Variants in DNAJC13 observed in about 807,000 individuals in gnomAD.
The protein encoded by DNAJC13 is DnaJ heat shock protein family (Hsp40) member C13.
A neutral mutation model predicts 290.5 loss-of-function variants in DNAJC13; 75 were observed. The observed-to-expected ratio is 0.26, with a 90% CI of 0.21 to 0.31. DNAJC13 has a LOEUF of 0.31. Among genes scored for constraint, DNAJC13 ranks in the 10% least tolerant of loss-of-function variants. The pLI, the probability that DNAJC13 is intolerant of heterozygous loss-of-function variation, is 1.00. For missense variants in DNAJC13, 2,260 were observed against 2,674.5 expected (o/e 0.85, Z 3.42); for synonymous variants, 862 against 892.0 (o/e 0.97, Z 0.60).
At chr3:132,492,671 C>T (rs1388353781) in intron 33 of DNAJC13, 56 bp downstream of exon 33, 4 of 1,498,310 alleles carry the variant, frequency 2.7e-6, no homozygotes, top group Non-Finnish European at 3.7e-6. Flanking sequence ...CCTCTAAACA[C>T]TTCTGGGTAT....
chr3:132,501,819 G>A (rs1220213201), intron 39 of DNAJC13, among the ~76,000 whole-genome samples: 2 of 152,134 alleles, frequency 1.3e-5, no homozygotes, highest in African/African-American at 2.4e-5. Context: ...TAGTACTAAA[G>A]TATCAAGAAG....
intron 43 of DNAJC13, among the ~76,000 whole-genome samples, chr3:132,507,618 T>C (rs1426294738): frequency 1.3e-5 from 2 of 152,226 alleles, no homozygotes; most frequent in Admixed American, 1.3e-4. Context: ...TTTTTCATTA[T>C]CACATTATGG....
chr3:132,491,689 G>C (rs1289806788), intron 32 of DNAJC13, among the ~76,000 whole-genome samples: 2 of 152,018 alleles, frequency 1.3e-5, no homozygotes, highest in African/African-American at 2.4e-5. Context: ...CAGTGTCAAG[G>C]CTATCTCTTT....
At chr3:132,506,803 G>A (rs1448914363) in intron 42 of DNAJC13, among the ~76,000 whole-genome samples, 1 of 151,838 alleles carries the variant, frequency 6.6e-6, no homozygotes. Flanking sequence ...ACCCGCCTCG[G>A]CCTCCCTAAG....
intron 28 of DNAJC13, 94 bp from the exon 29 acceptor site, chr3:132,484,494 G>C (rs1934786215): frequency 8.7e-7 from 1 of 1,148,564 alleles, no homozygotes; most frequent in Non-Finnish European, 1.3e-6. Flanking sequence ...AAAAAGTAAG[G>C]TAACCTGCTT....
rs115411620 is a variant in DNAJC13 at position 132,501,456 on chromosome 3, T to G, written c.4536+543T>G. Among the ~76,000 whole-genome samples the G allele has an allele frequency of 4.3e-3, 648 of 152,186 alleles. 3 individuals carry two copies. The highest frequency in any genetic ancestry group is 0.015 in the African/African-American group (610 of 41,516). ...GAAAATTCAACCATAAGGAAAAGTT[T>G]AGCTGGCATGCTGACACCCTATGTT... On this transcript the variant is annotated intron_variant, in intron 39 of 55. Transcript: ENST00000260818.
In DNAJC13 at chr3:132,457,310, A is replaced by G. The variant is rs1447863009; in HGVS notation, c.1391A>G (p.Lys464Arg). 1.2e-6 allele frequency: 2 copies of G among 1,613,510 alleles called. No individual in the cohort carries two copies. Among genetic ancestry groups the G allele is most frequent in the Non-Finnish European group, 1.7e-6 (2 of 1,179,722 alleles). The part of the protein sequence containing the change: ...RLGVKVVKAL[K>R]RSNNGIIHAA... ...GGGGTGAAGGTAGTAAAAGCACTCAAAAGAAGCAACAACGGAATAATCCAT... is the reference window on the plus strand; with the variant it reads ...GGGGTGAAGGTAGTAAAAGCACTCAGAAGAAGCAACAACGGAATAATCCAT... Residue 464 changes from lysine (K) to arginine (R), a missense_variant, in exon 13 of 56, where the codon AAA (lysine) becomes AGA (arginine). By Grantham distance (26) the Lys-to-Arg change is conservative (BLOSUM62 2). Coordinates refer to ENST00000260818, the MANE Select transcript of DNAJC13 (RefSeq NM_015268.4).
chr3:132,429,453 T>A (rs1939187209), intron 1 of DNAJC13, among the ~76,000 whole-genome samples: 1 of 152,186 alleles, frequency 6.6e-6, no homozygotes. Flanking sequence ...TTCTTGTCAA[T>A]AAAATGAGAG....
intron 55 of DNAJC13, among the ~76,000 whole-genome samples, chr3:132,534,132 A>C (rs1385896345): frequency 1.3e-5 from 2 of 152,128 alleles, no homozygotes; most frequent in Non-Finnish European, 2.9e-5. Context: ...GTCTGGCCAA[A>C]TGGGGAGATG....
At chr3:132,448,835 C>T (rs939855019) in intron 5 of DNAJC13, among the ~76,000 whole-genome samples, 2 of 152,130 alleles carry the variant, frequency 1.3e-5, no homozygotes, top group African/African-American at 4.8e-5. Context: ...TTAATGGCAA[C>T]TGGCGAGCTG....
chr3:132,499,870 T>TAG lies in DNAJC13; in HGVS notation c.4416+63_4416+64insGA, dbSNP rs2107717294. 11 of 1,446,852 alleles carry TAG rather than the reference T, an allele frequency of 7.6e-6. No individual in the cohort carries two copies. In the South Asian group the frequency reaches 1.3e-4, roughly 17 times the overall value. 89.6% of individuals were successfully genotyped at this position (1,446,852 alleles called of 1,614,324 possible). On this transcript the variant is annotated intron_variant, in intron 38 of 55. Transcript: ENST00000260818. The stretch of plus-strand genomic sequence containing the variant: ...TAGTTCAATGGTTCAGACTTTAACA[T>TAG]ATCTGAGAATCAACTGGAGGGCTCA...
intron 46 of DNAJC13, among the ~76,000 whole-genome samples, chr3:132,515,787 G>A (rs909673547): frequency 2.6e-5 from 4 of 152,148 alleles, no homozygotes; most frequent in African/African-American, 9.7e-5. Context: ...AAGGTACATT[G>A]TTACTGTTCT....
chr3:132,455,942 T>C (rs1238637620), intron 9 of DNAJC13, among the ~76,000 whole-genome samples: 2 of 152,214 alleles, frequency 1.3e-5, no homozygotes, highest in Non-Finnish European at 2.9e-5. Context: ...ACGTTTTAAT[T>C]GGATGACTTG....
intron 21 of DNAJC13, chr3:132,474,364 AC>A (rs1208359095): frequency 6.6e-6 from 1 of 152,010 alleles, no homozygotes; most frequent in Non-Finnish European, 1.5e-5. Flanking sequence ...CCTCAGCCTC[AC>A]AAGTAGCTTG....
chr3:132,537,031 C>A, intron 55 of DNAJC13: 1 of 436,802 alleles, frequency 2.3e-6, no homozygotes, highest in Non-Finnish European at 4.6e-6. Context: ...AGGTCAAAAA[C>A]AAGATGAATC....
At chr3:132,501,966 A>G (rs1935430775) in intron 39 of DNAJC13, among the ~76,000 whole-genome samples, 1 of 152,248 alleles carries the variant, frequency 6.6e-6, no homozygotes, top group Non-Finnish European at 1.5e-5. Flanking sequence ...TAAGATCACT[A>G]GCGTGTAAGT....
At chr3:132,523,254 T>C (rs1306561938) in intron 50 of DNAJC13, 55 bp downstream of exon 50, 49 of 1,588,462 alleles carry the variant, frequency 3.1e-5, no homozygotes, top group Non-Finnish European at 4.1e-5. Flanking sequence ...TTGTTTTCAC[T>C]TTCTACTGAG....
intron 1 of DNAJC13, among the ~76,000 whole-genome samples, chr3:132,433,219 CTT>C (rs1401997496): frequency 1.3e-5 from 2 of 152,138 alleles, no homozygotes; most frequent in Admixed American, 6.5e-5. Flanking sequence ...ACCTATATCA[CTT>C]TTATAATGAG....
intron 14 of DNAJC13, 102 bp downstream of exon 14, chr3:132,460,459 C>T: frequency 4.0e-6 from 3 of 750,360 alleles, no homozygotes; most frequent in South Asian, 1.9e-5. Context: ...TTATTGTAGC[C>T]CCCAGCTTTG....
Sources: gnomAD v4.1 joint callset for allele counts (sites outside exome capture counted in the v4.1 genomes callset) on GRCh38, gnomAD v4.1.1 for gene constraint, MANE v1.5 for transcripts, NCBI Gene and HGNC (gene_info 2026-07-23, HGNC 2026-07-21) for gene names.